MBP: variants seen among roughly 807,000 people sequenced by gnomAD.
MBP encodes Golli-MBP.
In MBP, 16 loss-of-function variants were observed where a neutral mutation model predicts 35.8. The ratio of observed to expected loss-of-function variants is 0.45; its 90% confidence interval spans 0.30 to 0.68. MBP has a LOEUF of 0.68. Among genes scored for constraint, MBP ranks in the 30% least tolerant of loss-of-function variants. The pLI, the probability that MBP is intolerant of heterozygous loss-of-function variation, is 0.08. For missense variants in MBP, 380 were observed against 404.7 expected, an observed-to-expected ratio of 0.94 and a Z score of 0.52; for synonymous variants, 143 against 159.6, an observed-to-expected ratio of 0.90 and a Z score of 0.78.
chr18:77,001,996 T>C (rs927536149), intron 4 of MBP, among the ~76,000 whole-genome samples: 3 of 152,240 alleles, frequency 2.0e-5, no homozygotes, highest in African/African-American at 7.2e-5. Flanking sequence ...AGATCACACA[T>C]ATTAACACAG....
intron 1 of MBP, chr18:77,113,525 A>G (rs577532017): frequency 2.6e-5 from 4 of 152,562 alleles, no homozygotes; most frequent in Admixed American, 6.5e-5. Flanking sequence ...CAGCAGCCCT[A>G]CAGGGTAACA....
chr18:77,036,611 T>C (rs1972778482), intron 3 of MBP, among the ~76,000 whole-genome samples: 1 of 117,528 alleles, frequency 8.5e-6, no homozygotes, highest in African/African-American at 3.7e-5. Context: ...GGTCACATTT[T>C]GGAGACTGAG....
chr18:77,127,315 A>G (rs1470798839), intron 1 of MBP: 40 of 152,244 alleles, frequency 2.6e-4, no homozygotes, highest in Non-Finnish European at 1.5e-5. Flanking sequence ...TCCCGGAGCT[A>G]TTGGACATTC....
At chr18:76,985,972 C>G in intron 7 of MBP, 3 of 985,656 alleles carry the variant, frequency 3.0e-6, no homozygotes, top group Non-Finnish European at 3.6e-6. Flanking sequence ...TGCGAGTGTC[C>G]CAGGACCAGC....
chr18:77,075,036 C>A (rs1241195760), intron 2 of MBP, among the ~76,000 whole-genome samples: 1 of 152,106 alleles, frequency 6.6e-6, no homozygotes, highest in African/African-American at 2.4e-5. Context: ...GAAAAACAAA[C>A]CTCTAAATAA....
intron 2 of MBP, among the ~76,000 whole-genome samples, chr18:77,071,949 C>G (rs776851126): frequency 6.6e-6 from 1 of 152,086 alleles, no homozygotes; most frequent in Non-Finnish European, 1.5e-5. Context: ...TTCTAAAATT[C>G]CTAGGATGTT....
At chr18:76,991,123 A>C (rs924862346) in intron 4 of MBP, among the ~76,000 whole-genome samples, 1 of 152,352 alleles carries the variant, frequency 6.6e-6, no homozygotes, top group East Asian at 1.9e-4. Flanking sequence ...ACGCGGCTGC[A>C]TAACATGAGC....
intron 1 of MBP, among the ~76,000 whole-genome samples, chr18:77,119,250 T>A (rs1047550429): frequency 6.6e-6 from 1 of 151,828 alleles, no homozygotes; most frequent in African/African-American, 2.4e-5. Flanking sequence ...CCCTGTGGGG[T>A]GCTGAGAAGA....
intron 1 of MBP, among the ~76,000 whole-genome samples, chr18:77,112,169 G>GCGCGCA (rs370587502): frequency 7.9e-4 from 119 of 150,994 alleles, no homozygotes; most frequent in East Asian, 6.7e-3. Flanking sequence ...CCGTGCACAC[G>GCGCGCA]CACACACACA....
At chr18:77,007,761 A>G (rs1971076400) in intron 4 of MBP, among the ~76,000 whole-genome samples, 1 of 152,198 alleles carries the variant, frequency 6.6e-6, no homozygotes, top group Non-Finnish European at 1.5e-5. Context: ...GCAGACTTTT[A>G]ACCACCTTTC....
At chr18:76,985,749 T>G (rs1969519590) in intron 7 of MBP, 2 of 1,002,588 alleles carry the variant, frequency 2.0e-6, no homozygotes, top group Non-Finnish European at 2.4e-6. Context: ...CTCTCTGAGC[T>G]TCAGTTTCCT....
rs375759789 is a variant in MBP, at chr18:77,088,956, C to G, written c.51+16255G>C. ...CCTGAGTCTATGTGTGGACACTCCC[C>G]TGCTCCGATGGACAAGGCCCAGGCC... On this transcript the variant is annotated intron_variant, in intron 2 of 8. Coordinates refer to ENST00000355994, the MANE Select transcript of MBP (RefSeq NM_001025101.2). 2.6e-5 allele frequency among the ~76,000 whole-genome samples: 4 copies of G among 152,254 alleles called. No homozygotes were observed. The East Asian group carries it at 7.7e-4, about 29-fold the overall frequency.
chr18:77,086,026 C>T (rs897682911), intron 2 of MBP, among the ~76,000 whole-genome samples: 1 of 151,264 alleles, frequency 6.6e-6, no homozygotes, highest in African/African-American at 2.4e-5. Context: ...GACAGACAAA[C>T]AGAGAGAGAG....
chr18:77,084,431 C>CCACACACACACACACACACA (rs60010988), intron 2 of MBP, among the ~76,000 whole-genome samples: 1 of 105,886 alleles, frequency 9.4e-6, no homozygotes, highest in African/African-American at 3.5e-5. Flanking sequence ...CCACACCACA[C>CCACACACACACACACACACA]CACACACACA....
At chr18:77,118,658 ACAC>A (rs1202932669) in intron 1 of MBP, among the ~76,000 whole-genome samples, 3 of 133,996 alleles carry the variant, frequency 2.2e-5, no homozygotes, top group African/African-American at 6.8e-5. Flanking sequence ...ACACACACAC[ACAC>A]ACTACATACC....
chr18:77,016,367 T>A (rs1971638151), intron 4 of MBP: 1 of 991,400 alleles, frequency 1.0e-6, no homozygotes, highest in South Asian at 4.6e-5. Context: ...TTCCTCGACC[T>A]CAATCCTATG....
At chr18:77,049,733 T>C (rs929752945) in intron 3 of MBP, among the ~76,000 whole-genome samples, 1 of 152,034 alleles carries the variant, frequency 6.6e-6, no homozygotes, top group Non-Finnish European at 1.5e-5. Flanking sequence ...CAGGATGGAG[T>C]GTGTGGTGCA....
At chr18:77,006,460 G>C (rs1022618447) in intron 4 of MBP, 1 of 153,060 alleles carries the variant, frequency 6.5e-6, no homozygotes, top group Non-Finnish European at 1.5e-5. Context: ...CTCCAGTGCA[G>C]GCCCAGCACC....
rs1971630030 is a variant in MBP, at chr18:77,016,287, C to A, written c.576+545G>T. On this transcript the variant is annotated intron_variant, in intron 4 of 8. Transcript: ENST00000355994. ...ATAGACACTCATTTATCCCTCCCCC[C>A]TTCCACTTCTCAGACCACAGAGAAC... 4.1e-6 allele frequency: 4 copies of A among 986,190 alleles called. No individual in the cohort carries two copies. The South Asian group carries it at 1.9e-4, about 46-fold the overall frequency. 61.1% of individuals were successfully genotyped at this position (986,190 alleles called of 1,614,324 possible).
Sources: allele counts gnomAD v4.1 joint callset (sites outside exome capture counted in the v4.1 genomes callset), GRCh38; gene constraint gnomAD v4.1.1; transcripts MANE v1.5; gene names NCBI Gene and HGNC (gene_info 2026-07-23, HGNC 2026-07-21).